HSPG2: variants seen among roughly 807,000 people sequenced by gnomAD.
The protein encoded by HSPG2 is basement membrane-specific heparan sulfate proteoglycan core protein.
HSPG2 carries 278 observed loss-of-function variants against 526.6 expected under a neutral mutation model. That is an observed-to-expected ratio of 0.53 (90% CI 0.48 to 0.58). The LOEUF is 0.58. Among genes scored for constraint, HSPG2 ranks in the 20% least tolerant of loss-of-function variants. HSPG2 has a pLI of 0.00. For missense variants in HSPG2, 5,354 were observed against 6,099.5 expected, an observed-to-expected ratio of 0.88 and a Z score of 4.07; for synonymous variants, 2,465 against 2,555.4, an observed-to-expected ratio of 0.96 and a Z score of 1.07.
intron 1 of HSPG2, among the ~76,000 whole-genome samples, chr1:21,899,900 C>A (rs1157251413): frequency 6.6e-6 from 1 of 152,174 alleles, no homozygotes; most frequent in African/African-American, 2.4e-5. Flanking sequence ...AAGCAGAGAG[C>A]AATACCAGGG....
chr1:21,834,661 G>T lies in HSPG2; in HGVS notation c.10720+18C>A. 6.2e-7 allele frequency: 1 copy of T among 1,613,666 alleles called. No individual in the cohort carries two copies. The highest frequency in any genetic ancestry group is 8.5e-7 in the Non-Finnish European group (1 of 1,179,978). On this transcript the variant is annotated intron_variant, in intron 77 of 96. Coordinates refer to ENST00000374695, the MANE Select transcript of HSPG2 (RefSeq NM_005529.7). ...CCCCACTCACTGTCCCCCAACAAAAGTCCCCACTGGCCTTCACCTTGCACA... is the reference window on the plus strand; with the variant it reads ...CCCCACTCACTGTCCCCCAACAAAATTCCCCACTGGCCTTCACCTTGCACA...
chr1:21,882,468 G>A (rs1259965691), intron 13 of HSPG2, among the ~76,000 whole-genome samples: 1 of 150,680 alleles, frequency 6.6e-6, no homozygotes, highest in East Asian at 2.0e-4. Context: ...GAATTCCCTT[G>A]ACAGCATCCT....
chr1:21,880,007 A>G, intron 17 of HSPG2, 100 bp downstream of exon 17: 1 of 1,380,004 alleles, frequency 7.2e-7, no homozygotes, highest in Non-Finnish European at 1.0e-6. Flanking sequence ...CAGTCATGAC[A>G]GTCATTCTGG....
chr1:21,888,903 G>A (rs978937027), intron 6 of HSPG2, among the ~76,000 whole-genome samples: 1 of 152,162 alleles, frequency 6.6e-6, no homozygotes, highest in African/African-American at 2.4e-5. Context: ...TTGATCTCTG[G>A]GTGCAATAAT....
intron 1 of HSPG2, among the ~76,000 whole-genome samples, chr1:21,907,322 G>T (rs996711949): frequency 6.6e-6 from 1 of 152,170 alleles, no homozygotes; most frequent in African/African-American, 2.4e-5. Flanking sequence ...CTTCAGGGCA[G>T]CGACTGAGAA....
At chr1:21,894,042 G>GAC (rs1642566365) in intron 3 of HSPG2, among the ~76,000 whole-genome samples, 1 of 151,948 alleles carries the variant, frequency 6.6e-6, no homozygotes, top group South Asian at 2.1e-4. Flanking sequence ...GAGGACAGGG[G>GAC]ACACACACAG....
chr1:21,849,135 A>G, intron 57 of HSPG2, 104 bp from the exon 58 acceptor site: 1 of 1,350,574 alleles, frequency 7.4e-7, no homozygotes, highest in Admixed American at 1.9e-5. Flanking sequence ...AGCCAGCTGG[A>G]ACTCGATGGA....
intron 25 of HSPG2, chr1:21,875,284 G>A (rs1640961053): frequency 3.4e-6 from 2 of 596,584 alleles, no homozygotes; most frequent in Admixed American, 2.9e-5. Flanking sequence ...CCACGGGCCT[G>A]AAAGAACGAT....
At chr1:21,867,056 TTTTA>T (rs199778563) in intron 33 of HSPG2, among the ~76,000 whole-genome samples, 2,355 of 112,414 alleles carry the variant, frequency 0.021, 57 homozygotes, top group African/African-American at 0.072. Flanking sequence ...TTTAAAAATT[TTTTA>T]TTTTTTTTTT....
intron 91 of HSPG2, among the ~76,000 whole-genome samples, chr1:21,825,971 A>G (rs2097972387): frequency 6.6e-6 from 1 of 152,024 alleles, no homozygotes; most frequent in Admixed American, 6.6e-5. Flanking sequence ...TTTTTAGTAG[A>G]GATGGGGTTT....
Position 21,895,983 on chromosome 1 carries a change from G to A in HSPG2, c.200-17C>T, listed in dbSNP as rs765098573. On this transcript the variant is annotated splice_polypyrimidine_tract_variant and intron_variant, in intron 2 of 96. Coordinates refer to ENST00000374695, the MANE Select transcript of HSPG2 (RefSeq NM_005529.7). The surrounding 1 kb of genome is among the most constrained non-coding windows in gnomAD (Gnocchi z 4.1). ...CCAGGTCGTCTATAAGCAAAAAAGA[G>A]ATGTAATCAGCAACAACAAGTATTT... is the stretch of plus-strand genomic sequence containing the variant. The A allele has an allele frequency of 1.2e-6, 2 of 1,613,720 alleles. No homozygotes were observed. Among genetic ancestry groups the A allele is most frequent in the Non-Finnish European group, 1.7e-6 (2 of 1,179,774 alleles).
Position 21,865,627 on chromosome 1 carries a change from TG to T in HSPG2, c.4314+89del. 1 of 1,147,084 alleles carries T rather than the reference TG, an allele frequency of 8.7e-7. No individual in the cohort carries two copies. The highest frequency in any genetic ancestry group is 1.3e-6 in the Non-Finnish European group (1 of 756,870). 71.1% of individuals were successfully genotyped at this position (1,147,084 alleles called of 1,614,324 possible). A position where few individuals can be genotyped will look rare whatever the true frequency, so the allele number is the denominator to read the frequency against. On this transcript the variant is annotated intron_variant, in intron 34 of 96. Transcript: ENST00000374695. This position sits in a 1 kb window ranked among gnomAD's most constrained non-coding sequence, Gnocchi z 5.4. ...CAGCCTGTGCCAGAAAACTGAGTGC[TG>T]GATGGAAAGGACAAAGGACAAATGC...
intron 14 of HSPG2, 78 bp downstream of exon 14, chr1:21,881,261 T>G: frequency 1.3e-6 from 2 of 1,541,564 alleles, no homozygotes; most frequent in Admixed American, 1.7e-5. Context: ...AAGTCTGCCT[T>G]GTTGTCCACC....
chr1:21,895,330 G>A lies in HSPG2; in HGVS notation c.244+592C>T, dbSNP rs11811000. Among the ~76,000 whole-genome samples the A allele has an allele frequency of 0.015, 2,257 of 152,234 alleles. 51 individuals are homozygous for A. The highest frequency in any genetic ancestry group is 0.05 in the African/African-American group (2,092 of 41,524). On this transcript the variant is annotated intron_variant, in intron 3 of 96. Coordinates refer to ENST00000374695, the MANE Select transcript of HSPG2 (RefSeq NM_005529.7). The surrounding 1 kb of genome is among the most constrained non-coding windows in gnomAD (Gnocchi z 4.1). ...ACTATAAGTCCCCATCCCAGTGCTG[G>A]GCCAGTCTGACCAGGGTGGGGGCTG...
In HSPG2 at chr1:21,864,076, G is replaced by A. The variant is rs1045647538; in HGVS notation, c.4740+24C>T. The A allele has an allele frequency of 6.5e-7, 1 of 1,531,996 alleles. No homozygotes were observed. Among genetic ancestry groups the A allele is most frequent in the Admixed American group, 2.0e-5 (1 of 50,982 alleles). The allele number at this position is 1,531,996 out of a possible 1,614,324, so 94.9% of individuals were successfully genotyped here. A position where few individuals can be genotyped will look rare whatever the true frequency, so the allele number is the denominator to read the frequency against. ...CCAGGCCCAGCTGAGCTGACCCCCT[G>A]TCCTGGCCTCGCTTGCAGCTCACCG... On this transcript the variant is annotated intron_variant, in intron 37 of 96. Coordinates refer to ENST00000374695, the MANE Select transcript of HSPG2 (RefSeq NM_005529.7). This position sits in a 1 kb window ranked among gnomAD's most constrained non-coding sequence, Gnocchi z 4.8.
In HSPG2 at chr1:21,878,575, A is replaced by G. The variant is rs1383089469; in HGVS notation, c.2558+2T>C. 6.2e-7 allele frequency: 1 copy of G among 1,613,798 alleles called. No individual in the cohort carries two copies. Among genetic ancestry groups the G allele is most frequent in the East Asian group, 2.2e-5 (1 of 44,856 alleles). The stretch of plus-strand genomic sequence containing the variant: ...CCTGCAGCCCCCAAGGCTCTCCCTC[A>G]CCTCTCACAGCGGCGGCCAGTGTAG... On this transcript the variant is annotated splice_donor_variant, in intron 19 of 96. Transcript: ENST00000374695. LOFTEE classifies it high-confidence loss of function.
intron 40 of HSPG2, 21 bp from the exon 41 acceptor site, chr1:21,860,023 A>C: frequency 6.2e-7 from 1 of 1,608,772 alleles, no homozygotes; most frequent in Non-Finnish European, 8.5e-7. Context: ...GGGCCGGGAC[A>C]GGAAGGGCCT....
At chr1:21,913,246 T>G (rs1643762568) in intron 1 of HSPG2, among the ~76,000 whole-genome samples, 1 of 151,516 alleles carries the variant, frequency 6.6e-6, no homozygotes. Context: ...TTTGTGGGGG[T>G]GCTAATCAGG....
intron 1 of HSPG2, among the ~76,000 whole-genome samples, chr1:21,927,721 A>T (rs1432650621): frequency 6.6e-6 from 1 of 152,152 alleles, no homozygotes; most frequent in Non-Finnish European, 1.5e-5. Flanking sequence ...CTCCCAGTCC[A>T]GGAAGGAGCA....
Sources: allele counts gnomAD v4.1 joint callset (sites outside exome capture counted in the v4.1 genomes callset), GRCh38; gene constraint gnomAD v4.1.1; non-coding constraint Gnocchi (gnomAD v3.1); transcripts MANE v1.5; gene names NCBI Gene and HGNC (gene_info 2026-07-23, HGNC 2026-07-21).